Variants in RFC1 observed in about 807,000 individuals in gnomAD.
RFC1 encodes the protein replication factor C subunit 1, also known as A1 140 kDa subunit.
Under a neutral mutation model 137.4 loss-of-function variants are expected in RFC1, and 37 were observed. That is an observed-to-expected ratio of 0.27 (90% CI 0.21 to 0.35). The LOEUF is 0.35. Ranked by LOEUF, RFC1 falls within the 10% of genes least tolerant of loss-of-function variation. The probability of loss-of-function intolerance (pLI) is 1.00; values close to 1 mark genes in which losing one functional copy is unlikely to be tolerated. For missense variants in RFC1, 1,205 were observed against 1,358.5 expected, an observed-to-expected ratio of 0.89 and a Z score of 1.78; for synonymous variants, 429 against 455.7, an observed-to-expected ratio of 0.94 and a Z score of 0.75.
In RFC1 at chr4:39,326,544, C is replaced by G; in HGVS notation, c.642+19G>C. On this transcript the variant is annotated intron_variant, in intron 6 of 24. Transcript: ENST00000349703. ...TCAGAATATCAAGTTACTAATGATT[C>G]TAAGCAAAATGCCAATACCTCCGCA... The G allele has an allele frequency of 6.2e-7, 1 of 1,608,786 alleles. No individual in the cohort carries two copies. Among genetic ancestry groups the G allele is most frequent in the Non-Finnish European group, 8.5e-7 (1 of 1,175,894 alleles).
In RFC1 at chr4:39,318,281, T is replaced by C. The variant is rs1439453685; in HGVS notation, c.1096-1259A>G. ...CTTTCTAACAATGGTTCTCAAATGT[T>C]GGTGTGTGTTCATATCATATGAGGA... On this transcript the variant is annotated intron_variant, in intron 9 of 24. Coordinates refer to ENST00000349703, the MANE Select transcript of RFC1 (RefSeq NM_002913.5). Among the ~76,000 whole-genome samples, 3 of 152,352 alleles carry C rather than the reference T, an allele frequency of 2.0e-5. No homozygotes were observed. In the East Asian group the frequency reaches 5.8e-4, roughly 29 times the overall value.
rs1393141703 is a variant in RFC1 at position 39,288,236 on chromosome 4, C to A, written c.*525G>T. On this transcript the variant is annotated 3_prime_UTR_variant, in exon 25 of 25. Coordinates refer to ENST00000349703, the MANE Select transcript of RFC1 (RefSeq NM_002913.5). ...ACATATCATGTGGAACATTTTTATT[C>A]CTAATTTATACTTTGAAAGATATCT... The A allele has an allele frequency of 1.3e-5, 2 of 151,848 alleles. No individual in the cohort carries two copies. Among genetic ancestry groups the A allele is most frequent in the Non-Finnish European group, 2.9e-5 (2 of 68,016 alleles). 9.4% of individuals were successfully genotyped at this position (151,848 alleles called of 1,614,324 possible).
In RFC1 at chr4:39,326,581, C is replaced by A. The variant is rs55704262; in HGVS notation, c.624G>T (p.Gln208His). 101 of 1,612,884 alleles carry A rather than the reference C, an allele frequency of 6.3e-5. No individual in the cohort carries two copies. The East Asian group carries it at 2.2e-3, about 36-fold the overall frequency. The change falls in exon 6 of 25, where the codon CAG (glutamine) becomes CAT (histidine). Residue 208 changes from glutamine to histidine, a missense_variant. Coordinates refer to ENST00000349703, the MANE Select transcript of RFC1 (RefSeq NM_002913.5). Reference sequence around the variant, plus strand: ...CCAATACCTCCGCATCTTCATCAAGCTGTAATTGCTTGGCGATGGCTTCAT... The same window carrying A: ...CCAATACCTCCGCATCTTCATCAAGATGTAATTGCTTGGCGATGGCTTCAT... ...LNDEAIAKQLQLDEDAELERQ... is the reference protein window; with the variant it reads ...LNDEAIAKQLHLDEDAELERQ...
chr4:39,345,606 C>T lies in RFC1; in HGVS notation c.133-130G>A, dbSNP rs183703471. Reference sequence around the variant, plus strand: ...CACGATCTCGGCTCACTGCAAGCTCCGCCTCCCAGGTTCACGCCATTCTCC... The same window carrying T: ...CACGATCTCGGCTCACTGCAAGCTCTGCCTCCCAGGTTCACGCCATTCTCC... On this transcript the variant is annotated intron_variant, in intron 2 of 24. Transcript: ENST00000349703. The T allele has an allele frequency of 2.9e-3, 1,796 of 627,848 alleles. 13 individuals are homozygous for T. Among genetic ancestry groups the T allele is most frequent in the Non-Finnish European group, 4.2e-3 (1,577 of 377,342 alleles). 38.9% of individuals were successfully genotyped at this position (627,848 alleles called of 1,614,324 possible).
At chr4:39,300,523 G>A (rs893062641) in intron 19 of RFC1, 109 bp from the exon 20 acceptor site, 2 of 810,688 alleles carry the variant, frequency 2.5e-6, no homozygotes, top group Non-Finnish European at 4.0e-6. Flanking sequence ...CATTGCTGGT[G>A]GGAATGCAAA....
intron 1 of RFC1, 74 bp downstream of exon 1, chr4:39,366,165 G>C (rs1161990872): frequency 1.3e-6 from 2 of 1,507,434 alleles, no homozygotes; most frequent in Non-Finnish European, 1.8e-6. Flanking sequence ...CTGCATACCA[G>C]GAGTGCCCGG....
chr4:39,351,569 G>A, intron 1 of RFC1, 93 bp from the exon 2 acceptor site: 2 of 1,095,408 alleles, frequency 1.8e-6, no homozygotes, highest in Non-Finnish European at 2.5e-6. Flanking sequence ...TGTACACACT[G>A]GGTTACCCTG....
chr4:39,309,079 C>T (rs1431816606), intron 12 of RFC1, 47 bp from the exon 13 acceptor site: 2 of 1,538,124 alleles, frequency 1.3e-6, no homozygotes, highest in South Asian at 1.3e-5. Flanking sequence ...ATGAAACATA[C>T]AGAATTTCTA....
chr4:39,288,275 G>C lies in RFC1; in HGVS notation c.*486C>G, dbSNP rs1180584298. On this transcript the variant is annotated 3_prime_UTR_variant, in exon 25 of 25. Transcript: ENST00000349703. ...TGAAAGATATCTGACAATGTACAAA[G>C]AATACCCAGTTCTAGGTGGTGACTG... The C allele has an allele frequency of 1.3e-5, 2 of 152,126 alleles. No homozygotes were observed. Among genetic ancestry groups the C allele is most frequent in the Non-Finnish European group, 2.9e-5 (2 of 68,184 alleles). The allele number at this position is 152,126 out of a possible 1,614,324, so 9.4% of individuals were successfully genotyped here.
chr4:39,294,995 C>T (rs1320537646), intron 22 of RFC1, among the ~76,000 whole-genome samples: 1 of 152,144 alleles, frequency 6.6e-6, no homozygotes, highest in Non-Finnish European at 1.5e-5. Context: ...AGAGTGTGAC[C>T]TTGTCTTAAA....
chr4:39,344,806 A>T (rs1048102570), intron 3 of RFC1, among the ~76,000 whole-genome samples: 8 of 152,184 alleles, frequency 5.3e-5, no homozygotes, highest in African/African-American at 1.9e-4. Flanking sequence ...TAAATTAAAT[A>T]AAAACACATA....
chr4:39,319,604 C>G (rs1180481718), intron 9 of RFC1, among the ~76,000 whole-genome samples: 1 of 152,138 alleles, frequency 6.6e-6, no homozygotes, highest in Admixed American at 6.5e-5. Context: ...ATTATAATGA[C>G]TTATGATCGT....
chr4:39,364,949 C>T (rs1230999147), intron 1 of RFC1, among the ~76,000 whole-genome samples: 1 of 151,924 alleles, frequency 6.6e-6, no homozygotes, highest in Non-Finnish European at 1.5e-5. Context: ...CTTCAAGACT[C>T]CAAGTCTCAA....
chr4:39,299,997 T>G, intron 21 of RFC1, 24 bp downstream of exon 21: 1 of 1,351,266 alleles, frequency 7.4e-7, no homozygotes, highest in Non-Finnish European at 1.1e-6. Context: ...AGAGCCTGCA[T>G]GTTAGGGAGA....
At chr4:39,328,242 TC>T (rs1336532528) in intron 4 of RFC1, among the ~76,000 whole-genome samples, 1 of 151,972 alleles carries the variant, frequency 6.6e-6, no homozygotes, top group Non-Finnish European at 1.5e-5. Flanking sequence ...ATACGCTATA[TC>T]CCCCAGTTAC....
chr4:39,302,821 A>G lies in RFC1; in HGVS notation c.2256T>C (p.Asn752=), dbSNP rs754484177. The G allele has an allele frequency of 1.3e-6, 2 of 1,597,334 alleles. No homozygotes were observed. The highest frequency in any genetic ancestry group is 2.3e-5 in the South Asian group (2 of 86,970). Residue 752 remains asparagine (N), a synonymous_variant, in exon 17 of 25, where the codon AAT becomes AAC. Transcript: ENST00000349703. Reference sequence around the variant, plus strand: ...AGCGAATCTTGGGATGATTTCTATCATTGCACATACAAATAATGGGAATTT... The same window carrying G: ...AGCGAATCTTGGGATGATTTCTATCGTTGCACATACAAATAATGGGAATTT... ...HTKIPIICMC[N]DRNHPKIRSL... is the part of the protein sequence containing the mutation.
At chr4:39,312,357 A>G (rs552643893) in intron 11 of RFC1, among the ~76,000 whole-genome samples, 1 of 152,286 alleles carries the variant, frequency 6.6e-6, no homozygotes, top group South Asian at 2.1e-4. Flanking sequence ...TGCTGTTTGG[A>G]GCTAAACACA....
At chr4:39,289,735 C>G in intron 24 of RFC1, 113 bp downstream of exon 24, 1 of 730,802 alleles carries the variant, frequency 1.4e-6, no homozygotes, top group Non-Finnish European at 2.3e-6. Context: ...AACAAAAAAA[C>G]TTAAGAAGTA....
At position 39,345,457 on chromosome 4, in the gene RFC1, T is replaced by C; in HGVS notation, c.152A>G (p.Glu51Gly). 6.2e-7 allele frequency: 1 copy of C among 1,613,466 alleles called. No individual in the cohort carries two copies. Among genetic ancestry groups the C allele is most frequent in the Non-Finnish European group, 8.5e-7 (1 of 1,179,564 alleles). Residue 51 changes from glutamate to glycine, a missense_variant, in exon 3 of 25, where the codon GAG (glutamate) becomes GGG (glycine). Physicochemically the swap from Glu to Gly is moderately conservative, Grantham distance 98. Transcript: ENST00000349703. ...KEIKVNSSRK[E>G]DDFKQKQPSK... ...TGGTTGCTTTTGTTTGAAGTCATCC[T>C]CTTTACGGGAGCTATTTACCTATAA...
Sources: allele counts gnomAD v4.1 joint callset (sites outside exome capture counted in the v4.1 genomes callset), GRCh38; gene constraint gnomAD v4.1.1; transcripts MANE v1.5; gene names NCBI Gene and HGNC (gene_info 2026-07-23, HGNC 2026-07-21).